CSMD1: variants seen among roughly 807,000 people sequenced by gnomAD.
CSMD1 encodes the protein CUB and Sushi multiple domains 1, also known as CUB and sushi domain-containing protein 1.
A neutral mutation model predicts 417.5 loss-of-function variants in CSMD1; 213 were observed. The ratio of observed to expected loss-of-function variants is 0.51; its 90% CI spans 0.46 to 0.57. CSMD1 has a LOEUF of 0.57. Among genes scored for constraint, CSMD1 ranks in the 20% least tolerant of loss-of-function variants. The pLI is 0.00. For missense variants in CSMD1, 6,923 were observed against 4,529.7 expected, an observed-to-expected ratio of 1.53 and a Z score of -15.17; for synonymous variants, 2,862 against 1,736.8, an observed-to-expected ratio of 1.65 and a Z score of -16.11.
At chr8:3,494,929 A>G (rs1796304964) in intron 10 of CSMD1, among the ~76,000 whole-genome samples, 1 of 152,172 alleles carries the variant, frequency 6.6e-6, no homozygotes, top group Non-Finnish European at 1.5e-5. Flanking sequence ...TCCCACTAAT[A>G]CCCAAGTCCA....
intron 2 of CSMD1, among the ~76,000 whole-genome samples, chr8:4,472,018 A>C (rs1001253841): frequency 4.6e-5 from 7 of 152,188 alleles, no homozygotes; most frequent in African/African-American, 1.7e-4. Context: ...CATTTCTTCC[A>C]ATTTTTTAAC....
At chr8:3,706,598 T>C (rs748590875) in intron 7 of CSMD1, among the ~76,000 whole-genome samples, 1 of 152,124 alleles carries the variant, frequency 6.6e-6, no homozygotes, top group African/African-American at 2.4e-5. Flanking sequence ...ATATTCTCCT[T>C]ATTACAAAAG....
At chr8:4,641,147 A>C (rs1803165234) in intron 1 of CSMD1, among the ~76,000 whole-genome samples, 1 of 151,670 alleles carries the variant, frequency 6.6e-6, no homozygotes, top group South Asian at 2.1e-4. Flanking sequence ...TGGATACCAA[A>C]ATACACATCA....
intron 7 of CSMD1, among the ~76,000 whole-genome samples, chr8:3,701,532 G>C (rs1056409756): frequency 2.7e-5 from 4 of 150,600 alleles, no homozygotes; most frequent in Non-Finnish European, 5.9e-5. Context: ...TTAGCATATT[G>C]GAATTTAACG....
At chr8:4,227,552 G>C (rs1322759628) in intron 3 of CSMD1, among the ~76,000 whole-genome samples, 1 of 152,040 alleles carries the variant, frequency 6.6e-6, no homozygotes, top group Non-Finnish European at 1.5e-5. Flanking sequence ...AGGGGTGCCA[G>C]GAAGCATAAT....
chr8:4,757,932 C>T (rs112091062), intron 1 of CSMD1, among the ~76,000 whole-genome samples: 1 of 146,944 alleles, frequency 6.8e-6, no homozygotes, highest in Non-Finnish European at 1.5e-5. Context: ...TGCACTCCAT[C>T]CTGGGCAACA....
At chr8:4,075,009 C>G (rs1799748493) in intron 3 of CSMD1, among the ~76,000 whole-genome samples, 1 of 152,106 alleles carries the variant, frequency 6.6e-6, no homozygotes, top group Non-Finnish European at 1.5e-5. Context: ...GGGGACATGC[C>G]TGTCTTTACT....
intron 1 of CSMD1, among the ~76,000 whole-genome samples, chr8:4,876,819 T>C (rs940366720): frequency 3.3e-5 from 5 of 152,154 alleles, no homozygotes; most frequent in African/African-American, 9.6e-5. Context: ...TCTAAATTAG[T>C]TCAAGTAATA....
At chr8:4,493,090 T>C (rs1585161908) in intron 2 of CSMD1, among the ~76,000 whole-genome samples, 1 of 152,292 alleles carries the variant, frequency 6.6e-6, no homozygotes, top group East Asian at 1.9e-4. Flanking sequence ...TATAAAAGTA[T>C]ACTGAACCAT....
chr8:4,048,601 C>G (rs888010469), intron 3 of CSMD1, among the ~76,000 whole-genome samples: 4 of 152,200 alleles, frequency 2.6e-5, no homozygotes, highest in Admixed American at 2.0e-4. Context: ...TGTATACAAA[C>G]AGCACACACC....
intron 1 of CSMD1, among the ~76,000 whole-genome samples, chr8:4,658,685 C>A (rs1325926795): frequency 1.3e-5 from 2 of 152,054 alleles, no homozygotes; most frequent in Non-Finnish European, 2.9e-5. Context: ...AAACTACAAT[C>A]AAAGTCATTA....
intron 27 of CSMD1, among the ~76,000 whole-genome samples, chr8:3,228,130 A>G (rs1010208310): frequency 6.6e-6 from 1 of 152,188 alleles, no homozygotes; most frequent in African/African-American, 2.4e-5. Flanking sequence ...TGTCTATATT[A>G]ATTGTAATTG....
chr8:4,646,475 G>A (rs910218278), intron 1 of CSMD1, among the ~76,000 whole-genome samples: 2 of 152,124 alleles, frequency 1.3e-5, no homozygotes, highest in Non-Finnish European at 2.9e-5. Flanking sequence ...TAAACTCTGA[G>A]ATGTAAATTG....
intron 3 of CSMD1, among the ~76,000 whole-genome samples, chr8:4,048,181 G>C (rs1305223221): frequency 6.6e-6 from 1 of 152,112 alleles, no homozygotes; most frequent in East Asian, 1.9e-4. Context: ...TTTGGTTGTT[G>C]GTGCTGTATG....
At chr8:3,308,595 C>A in intron 23 of CSMD1, 92 bp from the exon 24 acceptor site, 1 of 995,204 alleles carries the variant, frequency 1.0e-6, no homozygotes. Flanking sequence ...CTAAATGCTC[C>A]TTGAAGGGTA....
intron 39 of CSMD1, among the ~76,000 whole-genome samples, chr8:3,153,599 G>C (rs1819333211): frequency 6.6e-6 from 1 of 152,202 alleles, no homozygotes; most frequent in Non-Finnish European, 1.5e-5. Flanking sequence ...AGTTCCTTTT[G>C]ATTTTAGCAT....
At chr8:4,703,818 C>T (rs1353636528) in intron 1 of CSMD1, among the ~76,000 whole-genome samples, 1 of 152,112 alleles carries the variant, frequency 6.6e-6, no homozygotes, top group Non-Finnish European at 1.5e-5. Flanking sequence ...CAGTCCCCAG[C>T]ATTTTTGGCA....
chr8:4,253,071 C>A (rs187611313), intron 3 of CSMD1, among the ~76,000 whole-genome samples: 1 of 152,182 alleles, frequency 6.6e-6, no homozygotes, highest in African/African-American at 2.4e-5. Context: ...ACTACAAGCT[C>A]TTAGAGGAAA....
At chr8:3,029,276 C>G in intron 51 of CSMD1, 43 bp downstream of exon 51, 5 of 1,522,904 alleles carry the variant, frequency 3.3e-6, no homozygotes, top group Non-Finnish European at 4.5e-6. Flanking sequence ...CTAGAATAAT[C>G]TAGGATGCCG....
Sources: allele counts gnomAD v4.1 joint callset (sites outside exome capture counted in the v4.1 genomes callset), GRCh38; gene constraint gnomAD v4.1.1; transcripts MANE v1.5; gene names NCBI Gene and HGNC (gene_info 2026-07-23, HGNC 2026-07-21).